The following BBS9 variants were observed in gnomAD, a reference collection of about 807,000 sequenced individuals.
BBS9 encodes Bardet-Biedl syndrome 9.
BBS9 carries 89 observed loss-of-function variants against 117.7 expected under a neutral mutation model. The observed-to-expected ratio is 0.76, with a 90% CI of 0.64 to 0.90. The LOEUF (loss-of-function observed/expected upper bound fraction) is 0.90, where lower values mean the gene tolerates loss of function less well. BBS9 is among the 40% of genes least tolerant of loss of function. BBS9 has a pLI of 0.00. For synonymous variants in BBS9, 379 were observed against 370.9 expected (o/e 1.02, Z -0.25); for missense variants, 982 against 1,042.2 (o/e 0.94, Z 0.80).
chr7:33,336,693 T>G, intron 10 of BBS9, 71 bp downstream of exon 10: 2 of 1,084,658 alleles, frequency 1.8e-6, no homozygotes, highest in East Asian at 2.6e-5. Context: ...AGATAGATAT[T>G]ATTTTGTGTA....
chr7:33,444,789 T>C (rs577079291), intron 19 of BBS9, among the ~76,000 whole-genome samples: 1 of 152,268 alleles, frequency 6.6e-6, no homozygotes, highest in East Asian at 1.9e-4. Context: ...TGCTTTGGAG[T>C]CTGTCGCTGG....
chr7:33,405,749 G>A (rs888376771), intron 19 of BBS9, among the ~76,000 whole-genome samples: 50 of 151,958 alleles, frequency 3.3e-4, no homozygotes, highest in African/African-American at 1.2e-3. Flanking sequence ...TTCTTTATTA[G>A]TCTTGCTAGC....
At chr7:33,229,173 C>T (rs1791854772) in intron 5 of BBS9, among the ~76,000 whole-genome samples, 1 of 152,032 alleles carries the variant, frequency 6.6e-6, no homozygotes, top group South Asian at 2.1e-4. Context: ...CTTAGTTACC[C>T]ATTTTTCTTT....
intron 19 of BBS9, among the ~76,000 whole-genome samples, chr7:33,408,436 T>C (rs1830486779): frequency 6.6e-6 from 1 of 152,150 alleles, no homozygotes; most frequent in South Asian, 2.1e-4. Flanking sequence ...CACGGTGTGC[T>C]GCACCCACTC....
chr7:33,209,484 T>TG (rs1787603414), intron 5 of BBS9, among the ~76,000 whole-genome samples: 1 of 152,184 alleles, frequency 6.6e-6, no homozygotes, highest in Admixed American at 6.5e-5. Context: ...CTGGGTCATA[T>TG]GGTAGCTCTA....
chr7:33,219,649 T>A (rs4720113), intron 5 of BBS9, among the ~76,000 whole-genome samples: 46,474 of 151,928 alleles, frequency 0.31, 7,583 homozygotes, highest in Admixed American at 0.43. Flanking sequence ...CGTATCTAGC[T>A]AATCTGGTGG....
rs993175361 is a variant in BBS9 at position 33,383,719 on chromosome 7, G to A, written c.1843G>A (p.Glu615Lys). 2 of 1,611,774 alleles carry A rather than the reference G, an allele frequency of 1.2e-6. No homozygotes were observed. The highest frequency in any genetic ancestry group is 8.5e-7 in the Non-Finnish European group (1 of 1,178,808). The part of the protein sequence containing the change: ...QFEDLWLITN[E>K]LILRLQEYFE... The stretch of plus-strand genomic sequence containing the variant: ...TGAAGATCTTTGGCTCATAACCAAT[G>A]AGCTTATTCTTCGCCTTCAAGAATA... Residue 615 changes from glutamate to lysine, a missense_variant, in exon 18 of 23, where the codon GAG (glutamate) becomes AAG (lysine). Physicochemically the swap from Glu to Lys is moderately conservative, Grantham distance 56. Transcript: ENST00000242067.
chr7:33,258,071 T>C (rs1583923266), intron 6 of BBS9, among the ~76,000 whole-genome samples: 1 of 152,164 alleles, frequency 6.6e-6, no homozygotes, highest in East Asian at 1.9e-4. Flanking sequence ...TAAATAAAAG[T>C]CAAGGTTTTG....
chr7:33,398,551 GTGTT>G (rs1310387083), intron 19 of BBS9, among the ~76,000 whole-genome samples: 1 of 152,120 alleles, frequency 6.6e-6, no homozygotes, highest in Admixed American at 6.6e-5. Flanking sequence ...TCTCCAAAGA[GTGTT>G]TGTTATAAGT....
chr7:33,171,991 C>G (rs1349397832), intron 4 of BBS9, among the ~76,000 whole-genome samples: 2 of 145,284 alleles, frequency 1.4e-5, no homozygotes, highest in Non-Finnish European at 3.0e-5. Context: ...AGGATTCAAC[C>G]CCTCCCCAAA....
intron 9 of BBS9, among the ~76,000 whole-genome samples, chr7:33,284,339 A>G (rs544176622): frequency 6.6e-6 from 1 of 152,240 alleles, no homozygotes; most frequent in Admixed American, 6.5e-5. Context: ...GTTTTGCTGT[A>G]TTATCTTTGA....
At chr7:33,596,377 A>ATCTG (rs1425188087) in intron 21 of BBS9, among the ~76,000 whole-genome samples, 1 of 150,680 alleles carries the variant, frequency 6.6e-6, no homozygotes, top group Admixed American at 6.6e-5. Flanking sequence ...CTATCTATCT[A>ATCTG]TCTATCTATC....
chr7:33,585,128 GA>G (rs1313624980), intron 21 of BBS9, among the ~76,000 whole-genome samples: 1 of 151,984 alleles, frequency 6.6e-6, no homozygotes, highest in Non-Finnish European at 1.5e-5. Context: ...GATTCCTATA[GA>G]AGTATCCACC....
At chr7:33,357,170 G>A (rs1259883436) in intron 15 of BBS9, among the ~76,000 whole-genome samples, 1 of 151,790 alleles carries the variant, frequency 6.6e-6, no homozygotes, top group East Asian at 1.9e-4. Context: ...CAGTATGCAT[G>A]TATGAGTATT....
chr7:33,236,442 A>G (rs1430057605), intron 5 of BBS9, among the ~76,000 whole-genome samples: 2 of 151,702 alleles, frequency 1.3e-5, no homozygotes, highest in African/African-American at 4.8e-5. Flanking sequence ...TCAGAATTTT[A>G]TATATTTATT....
intron 2 of BBS9, among the ~76,000 whole-genome samples, chr7:33,149,190 C>G (rs898023413): frequency 1.3e-5 from 2 of 152,236 alleles, no homozygotes; most frequent in African/African-American, 2.4e-5. Context: ...AGCAGGGACC[C>G]AGAGAGGACA....
chr7:33,432,935 T>C (rs925818260), intron 19 of BBS9, among the ~76,000 whole-genome samples: 1 of 152,174 alleles, frequency 6.6e-6, no homozygotes, highest in African/African-American at 2.4e-5. Context: ...TGATCTAGTC[T>C]ATAATTCAGA....
At chr7:33,411,011 GTTTTTTTTTT>G (rs765425062) in intron 19 of BBS9, among the ~76,000 whole-genome samples, 1 of 96,424 alleles carries the variant, frequency 1.0e-5, no homozygotes, top group African/African-American at 3.4e-5. Flanking sequence ...AAATGTTGGT[GTTTTTTTTTT>G]TTTTTTTTTT....
chr7:33,597,048 ATCTCTC>A (rs148549968), intron 21 of BBS9, among the ~76,000 whole-genome samples: 1 of 139,872 alleles, frequency 7.1e-6, no homozygotes, highest in East Asian at 2.1e-4. Context: ...TATATGAATC[ATCTCTC>A]TCTCTCTCTC....
Sources: gnomAD v4.1 joint callset for allele counts (sites outside exome capture counted in the v4.1 genomes callset) on GRCh38, gnomAD v4.1.1 for gene constraint, MANE v1.5 for transcripts, NCBI Gene and HGNC (gene_info 2026-07-23, HGNC 2026-07-21) for gene names.